The following CADM2 variants were observed in gnomAD, a reference collection of about 807,000 sequenced individuals.
CADM2 encodes the protein cell adhesion molecule 2.
A neutral mutation model predicts 49.8 loss-of-function variants in CADM2; 12 were observed. That is an observed-to-expected ratio of 0.24 (90% CI 0.15 to 0.39). The LOEUF (loss-of-function observed/expected upper bound fraction) is 0.39. Among genes scored for constraint, CADM2 ranks in the 10% least tolerant of loss-of-function variants. The pLI, the probability that CADM2 is intolerant of heterozygous loss-of-function variation, is 1.00. For missense variants in CADM2, 378 were observed against 492.3 expected (o/e 0.77, Z 2.20); for synonymous variants, 214 against 175.4 (o/e 1.22, Z -1.74).
intron 1 of CADM2, among the ~76,000 whole-genome samples, chr3:85,127,489 T>C (rs1160796079): frequency 6.6e-6 from 1 of 152,226 alleles, no homozygotes; most frequent in African/African-American, 2.4e-5. Context: ...GCTTTGCCCG[T>C]TTCTGACAGG....
At chr3:85,120,075 CAA>C (rs869072238) in intron 1 of CADM2, among the ~76,000 whole-genome samples, 20 of 152,070 alleles carry the variant, frequency 1.3e-4, no homozygotes, top group Admixed American at 1.3e-3. Flanking sequence ...GACCAACAAA[CAA>C]ATAAAAAATG....
chr3:86,029,381 G>A (rs186503439), intron 8 of CADM2, among the ~76,000 whole-genome samples: 1 of 152,110 alleles, frequency 6.6e-6, no homozygotes, highest in East Asian at 1.9e-4. Context: ...GAGAAAAATA[G>A]GAAGTTGATA....
intron 1 of CADM2, among the ~76,000 whole-genome samples, chr3:85,205,091 C>T (rs2041599597): frequency 6.7e-6 from 1 of 149,992 alleles, no homozygotes; most frequent in Non-Finnish European, 1.5e-5. Flanking sequence ...AATCGTGGCT[C>T]ACTGCAGCCT....
At chr3:85,139,227 C>G (rs919460788) in intron 1 of CADM2, among the ~76,000 whole-genome samples, 2 of 151,890 alleles carry the variant, frequency 1.3e-5, no homozygotes, top group African/African-American at 4.8e-5. Context: ...TGTGTATATG[C>G]GTTTCAATAA....
intron 1 of CADM2, among the ~76,000 whole-genome samples, chr3:85,176,435 AG>A: frequency 6.6e-6 from 1 of 152,206 alleles, no homozygotes; most frequent in Non-Finnish European, 1.5e-5. Context: ...ACTTTGAAAC[AG>A]TTTCATTAAA....
chr3:85,098,311 G>A (rs1559660027), intron 1 of CADM2, among the ~76,000 whole-genome samples: 1 of 148,578 alleles, frequency 6.7e-6, no homozygotes, highest in Non-Finnish European at 1.5e-5. Context: ...CTAAACCAAA[G>A]GTACACAGTT....
chr3:85,852,210 T>C (rs995085693), intron 3 of CADM2, among the ~76,000 whole-genome samples: 1 of 152,132 alleles, frequency 6.6e-6, no homozygotes, highest in African/African-American at 2.4e-5. Flanking sequence ...TTGGCCCCTC[T>C]ACACTGCTTT....
chr3:85,645,520 A>C (rs746470764), intron 1 of CADM2, among the ~76,000 whole-genome samples: 4 of 151,954 alleles, frequency 2.6e-5, no homozygotes, highest in Non-Finnish European at 5.9e-5. Flanking sequence ...TCTTATTAGT[A>C]AGGTGGTTAT....
At chr3:85,443,598 C>A (rs1158299303) in intron 1 of CADM2, among the ~76,000 whole-genome samples, 1 of 152,120 alleles carries the variant, frequency 6.6e-6, no homozygotes, top group East Asian at 1.9e-4. Flanking sequence ...TTCTATTTCT[C>A]ATTTTTCATA....
chr3:85,498,171 G>GTT lies in CADM2; in HGVS notation c.62-228335_62-228334dup, dbSNP rs61505551. ...CTTTTCATGGTCTGTTTGTTGCCAA[G>GTT]TTTTTTTTTTTTTTTTTGTATTTTC... On this transcript the variant is annotated intron_variant, in intron 1 of 9. Coordinates refer to ENST00000383699, the MANE Select transcript of CADM2 (RefSeq NM_001167675.2). Among the ~76,000 whole-genome samples, 1,192 of 134,530 alleles carry GTT rather than the reference G, an allele frequency of 8.9e-3. 13 individuals carry two copies. The highest frequency in any genetic ancestry group is 9.8e-3 in the Non-Finnish European group (624 of 63,392). The allele number at this position is 134,530 out of a possible 152,430, so 88.3% of individuals were successfully genotyped here.
At chr3:86,027,069 T>C (rs1733986486) in intron 8 of CADM2, among the ~76,000 whole-genome samples, 1 of 152,122 alleles carries the variant, frequency 6.6e-6, no homozygotes, top group Non-Finnish European at 1.5e-5. Flanking sequence ...ATTTTTGCTC[T>C]GAAAAAAGAG....
chr3:86,060,014 G>A (rs1281835216), intron 8 of CADM2, among the ~76,000 whole-genome samples: 1 of 151,994 alleles, frequency 6.6e-6, no homozygotes, highest in Admixed American at 6.6e-5. Context: ...GATTTACTTT[G>A]TCAATGAAAT....
chr3:85,388,466 G>T (rs2107385495), intron 1 of CADM2, among the ~76,000 whole-genome samples: 1 of 152,190 alleles, frequency 6.6e-6, no homozygotes, highest in East Asian at 1.9e-4. Context: ...CTGTGATTTT[G>T]TACATTAAAA....
At chr3:85,963,827 G>A (rs375889625) in intron 8 of CADM2, among the ~76,000 whole-genome samples, 12 of 151,796 alleles carry the variant, frequency 7.9e-5, no homozygotes, top group Non-Finnish European at 1.6e-4. Context: ...CACTTTGTGA[G>A]AAGTCATTTT....
chr3:85,474,471 T>C (rs1003649131), intron 1 of CADM2, among the ~76,000 whole-genome samples: 6 of 151,902 alleles, frequency 3.9e-5, no homozygotes, highest in African/African-American at 1.2e-4. Context: ...GTTAATTTCA[T>C]CCATAAAGCA....
intron 1 of CADM2, among the ~76,000 whole-genome samples, chr3:85,060,904 A>G (rs2036282378): frequency 6.6e-6 from 1 of 152,166 alleles, no homozygotes; most frequent in African/African-American, 2.4e-5. Flanking sequence ...TATATTAACA[A>G]TAACCAGTTA....
chr3:85,827,384 A>T lies in CADM2; in HGVS notation c.238+25188A>T, dbSNP rs543142017. 2.0e-5 allele frequency among the ~76,000 whole-genome samples: 3 copies of T among 152,034 alleles called. No individual in the cohort carries two copies. In the East Asian group the frequency reaches 5.8e-4, roughly 30 times the overall value. Reference sequence around the variant, plus strand: ...AAAATATGCATTTTGTTACTTTTTCAGGTGCTTGTAGTAATGTATATACAC... The same window carrying T: ...AAAATATGCATTTTGTTACTTTTTCTGGTGCTTGTAGTAATGTATATACAC... On this transcript the variant is annotated intron_variant, in intron 3 of 9. Transcript: ENST00000383699.
chr3:86,016,329 A>G (rs1348469347), intron 8 of CADM2, among the ~76,000 whole-genome samples: 3 of 152,312 alleles, frequency 2.0e-5, no homozygotes, highest in East Asian at 1.9e-4. Flanking sequence ...CATCTTGCAT[A>G]TGATAAACTG....
chr3:86,005,292 C>T (rs905076647), intron 8 of CADM2, among the ~76,000 whole-genome samples: 4 of 152,060 alleles, frequency 2.6e-5, no homozygotes, highest in African/African-American at 9.7e-5. Flanking sequence ...TGGCTCATGC[C>T]TGTAATCCCA....
Sources: allele counts gnomAD v4.1 joint callset (sites outside exome capture counted in the v4.1 genomes callset), GRCh38; gene constraint gnomAD v4.1.1; transcripts MANE v1.5; gene names NCBI Gene and HGNC (gene_info 2026-07-23, HGNC 2026-07-21).